The following SGCZ variants were observed in gnomAD, a reference collection of about 807,000 sequenced individuals.
SGCZ encodes the protein zeta-sarcoglycan.
A neutral mutation model predicts 41.3 loss-of-function variants in SGCZ; 40 were observed. The ratio of observed to expected loss-of-function variants is 0.97; its 90% CI spans 0.75 to 1.26. The LOEUF is 1.26. Among genes scored for constraint, SGCZ ranks in the 50% most tolerant of loss-of-function variants. The pLI, the probability that SGCZ is intolerant of heterozygous loss-of-function variation, is 0.00. For missense variants in SGCZ, 552 were observed against 369.8 expected, an observed-to-expected ratio of 1.49 and a Z score of -4.04; for synonymous variants, 206 against 137.5, an observed-to-expected ratio of 1.50 and a Z score of -3.49.
At chr8:14,363,646 C>A (rs7831683) in intron 2 of SGCZ, among the ~76,000 whole-genome samples, 1 of 151,994 alleles carries the variant, frequency 6.6e-6, no homozygotes, top group African/African-American at 2.4e-5. Context: ...AAGTAAGGAG[C>A]ATTCAATCCT....
In SGCZ at chr8:14,570,512, A is replaced by G. The variant is rs537218429; in HGVS notation, c.40-15586T>C. On this transcript the variant is annotated intron_variant, in intron 1 of 7. Coordinates refer to ENST00000382080, the MANE Select transcript of SGCZ (RefSeq NM_139167.4). Reference sequence around the variant, plus strand: ...ATGTAAATATTAAATGTGGAAATGTATAACAGCTTATCTAAGATATAAATA... The same window carrying G: ...ATGTAAATATTAAATGTGGAAATGTGTAACAGCTTATCTAAGATATAAATA... 3.3e-5 allele frequency among the ~76,000 whole-genome samples: 5 copies of G among 152,348 alleles called. No individual in the cohort carries two copies. In the South Asian group the frequency reaches 1.0e-3, roughly 32 times the overall value.
intron 1 of SGCZ, among the ~76,000 whole-genome samples, chr8:14,895,159 G>C (rs569996977): frequency 1.4e-4 from 21 of 152,276 alleles, no homozygotes; most frequent in African/African-American, 5.1e-4. Context: ...CGTTTAGTAA[G>C]TTAATAATTA....
intron 1 of SGCZ, among the ~76,000 whole-genome samples, chr8:14,880,657 C>T (rs1359917540): frequency 6.6e-6 from 1 of 152,076 alleles, no homozygotes; most frequent in Non-Finnish European, 1.5e-5. Flanking sequence ...ATTGTAGGGA[C>T]ATGGATGAAG....
chr8:14,716,731 A>G (rs376682832), intron 1 of SGCZ, among the ~76,000 whole-genome samples: 1 of 152,098 alleles, frequency 6.6e-6, no homozygotes, highest in East Asian at 1.9e-4. Context: ...GTTCATTGAA[A>G]ATAACAAAGC....
intron 1 of SGCZ, among the ~76,000 whole-genome samples, chr8:14,682,716 G>C (rs1159912627): frequency 6.6e-6 from 1 of 152,156 alleles, no homozygotes; most frequent in Non-Finnish European, 1.5e-5. Context: ...TTACAGGCGT[G>C]AGCCACCATA....
At position 14,674,513 on chromosome 8, in the gene SGCZ, A is replaced by G. The variant is rs571293439; in HGVS notation, c.40-119587T>C. Among the ~76,000 whole-genome samples the G allele has an allele frequency of 3.3e-5, 5 of 152,316 alleles. No individual in the cohort carries two copies. In the East Asian group the frequency reaches 7.7e-4, roughly 23 times the overall value. ...AATATGCAAAATTGGTTTGAAAATAAAATGTGTAGTTTACAATAAACCTAT... is the reference window on the plus strand; with the variant it reads ...AATATGCAAAATTGGTTTGAAAATAGAATGTGTAGTTTACAATAAACCTAT... On this transcript the variant is annotated intron_variant, in intron 1 of 7. Coordinates refer to ENST00000382080, the MANE Select transcript of SGCZ (RefSeq NM_139167.4).
intron 1 of SGCZ, among the ~76,000 whole-genome samples, chr8:14,709,344 C>T (rs1427412297): frequency 1.3e-5 from 2 of 152,128 alleles, no homozygotes; most frequent in Non-Finnish European, 2.9e-5. Flanking sequence ...TGCCCCACCT[C>T]ATTACTTCAG....
chr8:14,754,036 G>C (rs890925128), intron 1 of SGCZ, among the ~76,000 whole-genome samples: 4 of 152,088 alleles, frequency 2.6e-5, no homozygotes, highest in Non-Finnish European at 5.9e-5. Flanking sequence ...AAAAAAGTTT[G>C]TTGCTTTGTT....
At chr8:14,903,312 T>C (rs1323587762) in intron 1 of SGCZ, among the ~76,000 whole-genome samples, 5 of 152,142 alleles carry the variant, frequency 3.3e-5, no homozygotes, top group African/African-American at 9.6e-5. Flanking sequence ...TAAATACAGA[T>C]GCAGCAGCAG....
At chr8:14,841,518 G>C (rs540612688) in intron 1 of SGCZ, among the ~76,000 whole-genome samples, 4 of 152,140 alleles carry the variant, frequency 2.6e-5, no homozygotes, top group East Asian at 1.9e-4. Context: ...TCTGGAGCAA[G>C]AAATTTAATA....
chr8:14,316,124 T>A (rs1360644394), intron 3 of SGCZ, among the ~76,000 whole-genome samples: 1 of 151,916 alleles, frequency 6.6e-6, no homozygotes, highest in Non-Finnish European at 1.5e-5. Context: ...TAAGAACAAG[T>A]AATCCTATGT....
intron 4 of SGCZ, among the ~76,000 whole-genome samples, chr8:14,234,913 T>C (rs957503348): frequency 2.6e-5 from 4 of 152,166 alleles, no homozygotes; most frequent in Non-Finnish European, 5.9e-5. Context: ...TTCAACCTTA[T>C]CTAATATCAC....
At chr8:14,334,009 T>C (rs949020887) in intron 2 of SGCZ, among the ~76,000 whole-genome samples, 2 of 152,138 alleles carry the variant, frequency 1.3e-5, no homozygotes, top group Admixed American at 6.5e-5. Flanking sequence ...TGTCACTTCC[T>C]ATTTTCAGTA....
intron 2 of SGCZ, among the ~76,000 whole-genome samples, chr8:14,539,940 AC>A (rs1803408943): frequency 6.6e-6 from 1 of 151,972 alleles, no homozygotes; most frequent in Non-Finnish European, 1.5e-5. Flanking sequence ...AGATGAGATC[AC>A]CTAGGAAGAA....
chr8:14,530,525 G>A (rs138717478), intron 2 of SGCZ, among the ~76,000 whole-genome samples: 3 of 152,024 alleles, frequency 2.0e-5, no homozygotes, highest in Non-Finnish European at 4.4e-5. Context: ...TCATTTAAAT[G>A]TATCACATAC....
chr8:15,214,486 T>C (rs1285610441), intron 1 of SGCZ, among the ~76,000 whole-genome samples: 1 of 152,186 alleles, frequency 6.6e-6, no homozygotes, highest in Non-Finnish European at 1.5e-5. Flanking sequence ...TGTCTATGCA[T>C]ATAAATCACT....
chr8:14,515,935 T>A (rs1302592740), intron 2 of SGCZ, among the ~76,000 whole-genome samples: 1 of 152,102 alleles, frequency 6.6e-6, no homozygotes, highest in Non-Finnish European at 1.5e-5. Context: ...TTTGCTCCTA[T>A]GATCCAGTAA....
chr8:14,153,443 G>T (rs1198488772), intron 5 of SGCZ, among the ~76,000 whole-genome samples: 1 of 152,100 alleles, frequency 6.6e-6, no homozygotes, highest in Non-Finnish European at 1.5e-5. Flanking sequence ...CCTGGTCAGA[G>T]TAATTGGGAG....
At chr8:14,324,241 T>C (rs374433158) in intron 2 of SGCZ, 37 bp from the exon 3 acceptor site, 32 of 1,459,482 alleles carry the variant, frequency 2.2e-5, no homozygotes, top group African/African-American at 9.8e-5. Flanking sequence ...TTTAGGTTAA[T>C]TGGAGAATGA....
Sources: gnomAD v4.1 joint callset for allele counts (sites outside exome capture counted in the v4.1 genomes callset) on GRCh38, gnomAD v4.1.1 for gene constraint, MANE v1.5 for transcripts, NCBI Gene and HGNC (gene_info 2026-07-23, HGNC 2026-07-21) for gene names.